PPP3CA: variants seen among roughly 807,000 people sequenced by gnomAD.
PPP3CA encodes the protein protein phosphatase 3 catalytic subunit alpha, also known as CAM-PRP catalytic subunit.
A neutral mutation model predicts 66.5 loss-of-function variants in PPP3CA; 14 were observed. That is an observed-to-expected ratio of 0.21 (90% CI 0.14 to 0.33). The LOEUF is 0.33. Among genes scored for constraint, PPP3CA ranks in the 10% least tolerant of loss-of-function variants. The pLI is 1.00. For missense variants in PPP3CA, 317 were observed against 639.5 expected, an observed-to-expected ratio of 0.50 and a Z score of 5.44; for synonymous variants, 232 against 226.2, an observed-to-expected ratio of 1.03 and a Z score of -0.23.
chr4:101,122,481 G>A (rs1337089395), intron 2 of PPP3CA, among the ~76,000 whole-genome samples: 1 of 152,130 alleles, frequency 6.6e-6, no homozygotes, highest in Admixed American at 6.5e-5. Context: ...GCTTACAAAA[G>A]GCTTTGGAAT....
chr4:101,207,091 G>T (rs142475290), intron 1 of PPP3CA, among the ~76,000 whole-genome samples: 3 of 152,050 alleles, frequency 2.0e-5, no homozygotes, highest in Non-Finnish European at 4.4e-5. Flanking sequence ...GATTTTCATC[G>T]CATATGTGAA....
chr4:101,268,595 T>C (rs1727240136), intron 1 of PPP3CA, among the ~76,000 whole-genome samples: 1 of 152,172 alleles, frequency 6.6e-6, no homozygotes, highest in South Asian at 2.1e-4. Context: ...GCTAATGAAC[T>C]AAAGATAATA....
chr4:101,034,350 A>AAAT (rs1223760465), intron 11 of PPP3CA, among the ~76,000 whole-genome samples: 3 of 152,124 alleles, frequency 2.0e-5, no homozygotes, highest in Non-Finnish European at 4.4e-5. Context: ...ATGCCATTTA[A>AAAT]AATAATAATA....
intron 10 of PPP3CA, among the ~76,000 whole-genome samples, chr4:101,043,348 C>G (rs1727612733): frequency 1.3e-5 from 2 of 151,982 alleles, no homozygotes; most frequent in African/African-American, 4.8e-5. Context: ...TGCTTCTTAG[C>G]TTGGTATAAG....
intron 11 of PPP3CA, among the ~76,000 whole-genome samples, chr4:101,035,863 A>C (rs1192440403): frequency 6.6e-6 from 1 of 152,134 alleles, no homozygotes; most frequent in Non-Finnish European, 1.5e-5. Context: ...CTCCGTCCTG[A>C]AAGACTCTTT....
chr4:101,334,654 C>T (rs1288282213), intron 1 of PPP3CA, among the ~76,000 whole-genome samples: 1 of 152,098 alleles, frequency 6.6e-6, no homozygotes, highest in Non-Finnish European at 1.5e-5. Flanking sequence ...CATGAAATTT[C>T]AGGTATGGTA....
chr4:101,027,895 A>G (rs1560568194), intron 13 of PPP3CA, among the ~76,000 whole-genome samples: 1 of 152,206 alleles, frequency 6.6e-6, no homozygotes, highest in Non-Finnish European at 1.5e-5. Context: ...GACAATGGGT[A>G]TTAGCAATTT....
chr4:101,163,301 T>C (rs1331139688), intron 2 of PPP3CA, among the ~76,000 whole-genome samples: 1 of 152,194 alleles, frequency 6.6e-6, no homozygotes, highest in East Asian at 1.9e-4. Context: ...ACTTAATTCA[T>C]TGTTTTAAAA....
At chr4:101,220,833 C>T (rs1725602935) in intron 1 of PPP3CA, among the ~76,000 whole-genome samples, 1 of 151,684 alleles carries the variant, frequency 6.6e-6, no homozygotes, top group Non-Finnish European at 1.5e-5. Flanking sequence ...TCCAAGTTTG[C>T]ATTATAAAAA....
intron 1 of PPP3CA, among the ~76,000 whole-genome samples, chr4:101,327,057 C>T (rs1483797566): frequency 1.3e-5 from 2 of 152,118 alleles, no homozygotes; most frequent in South Asian, 2.1e-4. Flanking sequence ...ATCTCACTGT[C>T]GGAAACCTTG....
intron 1 of PPP3CA, among the ~76,000 whole-genome samples, chr4:101,298,157 T>C (rs898408368): frequency 6.6e-6 from 1 of 151,998 alleles, no homozygotes. Flanking sequence ...AGCTAATGGG[T>C]CTCATAGCTC....
rs1726587838 is a variant in PPP3CA, at chr4:101,025,457, C to CAATAGAGTAAGAAATTAGACAAAG, written c.*384_*407dup. ...TTTTAGTGCTGCGACTGTAAACGTA[C>CAATAGAGTAAGAAATTAGACAAAG]AATAGAGTAAGAAATTAGACAAAGT... On this transcript the variant is annotated 3_prime_UTR_variant, in exon 14 of 14. Transcript: ENST00000394854. 6.5e-6 allele frequency: 1 copy of CAATAGAGTAAGAAATTAGACAAAG among 154,340 alleles called. No individual in the cohort carries two copies. The allele number at this position is 154,340 out of a possible 1,614,324, so 9.6% of individuals were successfully genotyped here. A position where few individuals can be genotyped will look rare whatever the true frequency, so the allele number is the denominator to read the frequency against.
intron 1 of PPP3CA, among the ~76,000 whole-genome samples, chr4:101,229,659 T>C (rs1578574504): frequency 1.3e-5 from 2 of 151,748 alleles, no homozygotes; most frequent in East Asian, 3.9e-4. Context: ...TTAGTATAAA[T>C]TGAGCTCTTA....
chr4:101,294,050 C>G (rs78367645), intron 1 of PPP3CA, among the ~76,000 whole-genome samples: 3,268 of 152,152 alleles, frequency 0.021, 98 homozygotes, highest in African/African-American at 0.06. Flanking sequence ...AAACAATGAT[C>G]CGCTTTTTTA....
chr4:101,308,480 C>CT (rs945687255), intron 1 of PPP3CA, among the ~76,000 whole-genome samples: 2 of 152,144 alleles, frequency 1.3e-5, no homozygotes, highest in Admixed American at 6.6e-5. Context: ...GACAAGGTCT[C>CT]TGTCACCCAG....
intron 1 of PPP3CA, among the ~76,000 whole-genome samples, chr4:101,290,701 T>C (rs1328263744): frequency 6.6e-6 from 1 of 152,124 alleles, no homozygotes; most frequent in Non-Finnish European, 1.5e-5. Context: ...GTTAATGCTA[T>C]TGAGAAAAAT....
chr4:101,316,186 CAG>C (rs1728878766), intron 1 of PPP3CA, among the ~76,000 whole-genome samples: 1 of 151,336 alleles, frequency 6.6e-6, no homozygotes. Context: ...AGCTAAAAAT[CAG>C]AGTTGTGTTA....
intron 2 of PPP3CA, among the ~76,000 whole-genome samples, chr4:101,186,979 CTCTT>C (rs1418655130): frequency 2.0e-5 from 3 of 152,126 alleles, no homozygotes; most frequent in African/African-American, 7.2e-5. Context: ...CAGCGTTTCA[CTCTT>C]TCTGAGTGAC....
At chr4:101,266,314 T>G (rs1041388695) in intron 1 of PPP3CA, among the ~76,000 whole-genome samples, 3 of 152,162 alleles carry the variant, frequency 2.0e-5, no homozygotes, top group Non-Finnish European at 4.4e-5. Context: ...TTACTATTTA[T>G]ATCTTACATC....
Sources: allele counts gnomAD v4.1 joint callset (sites outside exome capture counted in the v4.1 genomes callset), GRCh38; gene constraint gnomAD v4.1.1; transcripts MANE v1.5; gene names NCBI Gene and HGNC (gene_info 2026-07-23, HGNC 2026-07-21).